Variants in PRKAG1 observed in about 807,000 individuals in gnomAD.
PRKAG1 encodes the protein 5'-AMP-activated protein kinase subunit gamma-1.
Under a neutral mutation model 48.2 loss-of-function variants are expected in PRKAG1, and 27 were observed. The observed-to-expected ratio is 0.56, with a 90% CI of 0.41 to 0.77. The LOEUF (loss-of-function observed/expected upper bound fraction) is 0.77, where lower values mean the gene tolerates loss of function less well. Among genes scored for constraint, PRKAG1 ranks in the 30% least tolerant of loss-of-function variants. The probability of loss-of-function intolerance (pLI) is 0.00; values close to 1 mark genes in which losing one functional copy is unlikely to be tolerated. For synonymous variants in PRKAG1, 130 were observed against 147.7 expected (o/e 0.88, Z 0.87); for missense variants, 287 against 398.3 (o/e 0.72, Z 2.38).
At chr12:49,004,341 C>T in intron 8 of PRKAG1, 166 bp downstream of exon 8, 1 of 816,024 alleles carries the variant, frequency 1.2e-6, no homozygotes, top group Non-Finnish European at 1.9e-6. Context: ...CAGTGGCTCA[C>T]ACCTGTAATC....
chr12:49,012,791 G>T, intron 2 of PRKAG1: 1 of 454,854 alleles, frequency 2.2e-6, no homozygotes, highest in Non-Finnish European at 4.0e-6. Flanking sequence ...AAACATGGTA[G>T]CCAGCCCAGA....
chr12:49,007,263 G>T (rs1454112631), intron 2 of PRKAG1, among the ~76,000 whole-genome samples: 2 of 149,952 alleles, frequency 1.3e-5, no homozygotes, highest in Non-Finnish European at 3.0e-5. Context: ...CTCCAGCCTG[G>T]GCGACAGAGT....
intron 1 of PRKAG1, among the ~76,000 whole-genome samples, chr12:49,013,983 C>T (rs1941865449): frequency 6.6e-6 from 1 of 152,080 alleles, no homozygotes; most frequent in Admixed American, 6.6e-5. Context: ...CTCCTGGGTT[C>T]AAGCAATTCC....
At chr12:49,003,076 C>G in intron 11 of PRKAG1, 68 bp downstream of exon 11, 1 of 1,613,010 alleles carries the variant, frequency 6.2e-7, no homozygotes, top group South Asian at 1.1e-5. Context: ...TCTGCCCCTA[C>G]TCTCCTTGCC....
chr12:49,004,921 A>G (rs768858437), intron 7 of PRKAG1, 43 bp downstream of exon 7: 1 of 1,602,044 alleles, frequency 6.2e-7, no homozygotes, highest in South Asian at 1.1e-5. Flanking sequence ...GCTGATGACA[A>G]AATCTCTTCC....
At chr12:49,014,330 T>C (rs971865322) in intron 1 of PRKAG1, among the ~76,000 whole-genome samples, 6 of 152,270 alleles carry the variant, frequency 3.9e-5, no homozygotes, top group African/African-American at 1.4e-4. Flanking sequence ...GAGCATTATC[T>C]GCAAAGCTCA....
chr12:49,003,055 G>A (rs749723606), intron 11 of PRKAG1, 49 bp from the exon 12 acceptor site: 9 of 1,612,780 alleles, frequency 5.6e-6, no homozygotes, highest in Middle Eastern at 1.6e-4. Context: ...GCTGGCCTCA[G>A]GGGAAGCCCC....
At chr12:49,017,971 TG>T (rs1565743508) in intron 1 of PRKAG1, 1 of 151,954 alleles carries the variant, frequency 6.6e-6, no homozygotes, top group Admixed American at 6.6e-5. Context: ...GGGAAGTGTA[TG>T]GGAGGGGTTA....
At chr12:49,010,777 C>G (rs980329296) in intron 2 of PRKAG1, among the ~76,000 whole-genome samples, 1 of 151,446 alleles carries the variant, frequency 6.6e-6, no homozygotes, top group Non-Finnish European at 1.5e-5. Flanking sequence ...GTGTTTGTGT[C>G]TTTTTCTTTA....
chr12:49,013,564 A>G (rs560753566), intron 1 of PRKAG1, among the ~76,000 whole-genome samples: 1 of 152,230 alleles, frequency 6.6e-6, no homozygotes, highest in East Asian at 1.9e-4. Flanking sequence ...CTTCAGAAAT[A>G]TGATCTCATT....
At position 49,016,822 on chromosome 12, in the gene PRKAG1, A is replaced by G. The variant is rs192737119; in HGVS notation, c.9+1910T>C. The stretch of plus-strand genomic sequence containing the variant: ...AAAGGACATTCACTGACTTGCTCAT[A>G]AATCTTCCATGGGTCCCCTATTACA... On this transcript the variant is annotated intron_variant, in intron 1 of 11. Transcript: ENST00000548065. 6.6e-4 allele frequency: 166 copies of G among 249,956 alleles called. 1 individual carries two copies. The highest frequency in any genetic ancestry group is 3.1e-3 in the Middle Eastern group (2 of 654). 15.5% of individuals were successfully genotyped at this position (249,956 alleles called of 1,614,324 possible). A position where few individuals can be genotyped will look rare whatever the true frequency, so the allele number is the denominator to read the frequency against.
rs1233432504 is a variant in PRKAG1 at position 49,003,590 on chromosome 12, C to T, written c.709G>A (p.Val237Met). 6.2e-7 allele frequency: 1 copy of T among 1,612,054 alleles called. No individual in the cohort carries two copies. The change falls in exon 10 of 12, where the codon GTG (valine) becomes ATG (methionine). Residue 237 changes from valine (V) to methionine (M), a missense_variant. Physicochemically the swap from Val to Met is conservative, Grantham distance 21. This residue lies in a region of PRKAG1 where 224 missense variants were observed against 344.3 expected (regional missense o/e 0.65). Transcript: ENST00000548065. ...TCAAACTTGGAGTAGATGTCCACCA[C>T]ACGCCCTAGGGGGACAGAGGCAGCT... ...ALPVVDEKGR[V>M]VDIYSKFDVI...
rs189236607 is a variant in PRKAG1 at position 49,009,715 on chromosome 12, C to T, written c.58+3347G>A. On this transcript the variant is annotated intron_variant, in intron 2 of 11. Coordinates refer to ENST00000548065, the MANE Select transcript of PRKAG1 (RefSeq NM_002733.5). Reference sequence around the variant, plus strand: ...GCAACCTCCACCTCCTGGGTTCAAGCGATTCTCCTGTCTCAGCCTCCCGAG... The same window carrying T: ...GCAACCTCCACCTCCTGGGTTCAAGTGATTCTCCTGTCTCAGCCTCCCGAG... 1.5e-4 allele frequency among the ~76,000 whole-genome samples: 23 copies of T among 152,166 alleles called. No individual in the cohort carries two copies. The East Asian group carries it at 3.1e-3, about 20-fold the overall frequency.
chr12:49,018,115 C>G (rs1565743658), intron 1 of PRKAG1: 1 of 152,426 alleles, frequency 6.6e-6, no homozygotes, highest in Admixed American at 6.5e-5. Context: ...ATGAGCTATG[C>G]CAAAACCCCT....
In PRKAG1 at chr12:49,004,090, G is replaced by A. The variant is rs929634490; in HGVS notation, c.538-168C>T. On this transcript the variant is annotated intron_variant, in intron 8 of 11. Transcript: ENST00000548065. ...ATATTGCTTGAGCCCAGGAGTTCGA[G>A]ACCAGCCTGGGCAACATGGCAAAAC... is the stretch of plus-strand genomic sequence containing the variant. 3.4e-6 allele frequency: 3 copies of A among 885,706 alleles called. No individual in the cohort carries two copies. In the African/African-American group the frequency reaches 5.1e-5, roughly 15 times the overall value. 54.9% of individuals were successfully genotyped at this position (885,706 alleles called of 1,614,324 possible).
At chr12:49,008,787 A>G (rs1941647292) in intron 2 of PRKAG1, among the ~76,000 whole-genome samples, 1 of 152,178 alleles carries the variant, frequency 6.6e-6, no homozygotes, top group South Asian at 2.1e-4. Flanking sequence ...TGTTGTTGAG[A>G]GTCCAAGGCA....
rs1941328125 is a variant in PRKAG1, at chr12:49,002,465, C to A, written c.*434G>T. ...AGAAATGTCACTAAATGGACTTGGCCTCCTCCATATAGCACGGAACAGGTG... is the reference window on the plus strand; with the variant it reads ...AGAAATGTCACTAAATGGACTTGGCATCCTCCATATAGCACGGAACAGGTG... On this transcript the variant is annotated 3_prime_UTR_variant, in exon 12 of 12. Transcript: ENST00000548065. 1 of 271,292 alleles carries A rather than the reference C, an allele frequency of 3.7e-6. No homozygotes were observed. The highest frequency in any genetic ancestry group is 2.2e-5 in the African/African-American group (1 of 45,310). 16.8% of individuals were successfully genotyped at this position (271,292 alleles called of 1,614,324 possible).
intron 2 of PRKAG1, among the ~76,000 whole-genome samples, chr12:49,012,162 G>A (rs1941785338): frequency 6.6e-6 from 1 of 151,998 alleles, no homozygotes; most frequent in Non-Finnish European, 1.5e-5. Flanking sequence ...CGGCCCAGCT[G>A]TCGCCTTCTT....
intron 2 of PRKAG1, among the ~76,000 whole-genome samples, chr12:49,011,446 C>A (rs1475518236): frequency 6.6e-6 from 1 of 151,968 alleles, no homozygotes; most frequent in African/African-American, 2.4e-5. Flanking sequence ...CTCCTGAGCT[C>A]AAGTGATCCT....
Sources: allele counts gnomAD v4.1 joint callset (sites outside exome capture counted in the v4.1 genomes callset), GRCh38; gene constraint gnomAD v4.1.1; regional missense constraint gnomAD v4.1.1; transcripts MANE v1.5; gene names NCBI Gene and HGNC (gene_info 2026-07-23, HGNC 2026-07-21).